CHD6: variants seen among roughly 807,000 people sequenced by gnomAD.
CHD6 encodes ATP-dependent chromatin remodeler CHD6.
A neutral mutation model predicts 276.9 loss-of-function variants in CHD6; 50 were observed. The observed-to-expected ratio is 0.18, with a 90% CI of 0.14 to 0.23. CHD6 has a LOEUF of 0.23. Ranked by LOEUF, CHD6 falls within the 10% of genes least tolerant of loss-of-function variation. CHD6 has a pLI of 1.00. For missense variants in CHD6, 2,564 were observed against 3,365.8 expected (o/e 0.76, Z 5.89); for synonymous variants, 1,173 against 1,229.3 (o/e 0.95, Z 0.96).
intron 10 of CHD6, among the ~76,000 whole-genome samples, chr20:41,492,847 G>C (rs545108857): frequency 3.5e-4 from 53 of 152,334 alleles, no homozygotes; most frequent in African/African-American, 1.3e-3. Context: ...CTTGAACTCG[G>C]GAGATGGAGG....
intron 1 of CHD6, among the ~76,000 whole-genome samples, chr20:41,594,913 C>T (rs1388646173): frequency 3.3e-5 from 5 of 152,330 alleles, no homozygotes; most frequent in East Asian, 1.9e-4. Context: ...TTCTTGTGAT[C>T]GGACAGGTGC....
At chr20:41,537,041 A>G (rs529689710) in intron 2 of CHD6, among the ~76,000 whole-genome samples, 1 of 152,326 alleles carries the variant, frequency 6.6e-6, no homozygotes, top group African/African-American at 2.4e-5. Flanking sequence ...TCTTTCTTTG[A>G]AAGAAAAATT....
rs1395442939 is a variant in CHD6, at chr20:41,452,966, G to C, written c.3121-24C>G. The C allele has an allele frequency of 6.3e-7, 1 of 1,579,362 alleles. No homozygotes were observed. Among genetic ancestry groups the C allele is most frequent in the East Asian group, 2.2e-5 (1 of 44,652 alleles). On this transcript the variant is annotated intron_variant, in intron 20 of 36. Coordinates refer to ENST00000373233, the MANE Select transcript of CHD6 (RefSeq NM_032221.5). This position sits in a 1 kb window ranked among gnomAD's most constrained non-coding sequence, Gnocchi z 4.2. The stretch of plus-strand genomic sequence containing the variant: ...TCCTAGAAATGGAGAGGACTACTGG[G>C]AAGAAAGTCCTCTTTTCTCTACTCC...
At chr20:41,422,637 C>G (rs1412657630) in intron 30 of CHD6, among the ~76,000 whole-genome samples, 1 of 152,198 alleles carries the variant, frequency 6.6e-6, no homozygotes, top group East Asian at 1.9e-4. Context: ...TTATACACAT[C>G]TCTTAGTTCT....
intron 3 of CHD6, among the ~76,000 whole-genome samples, chr20:41,520,919 G>A (rs1410568931): frequency 1.3e-5 from 2 of 152,064 alleles, no homozygotes; most frequent in East Asian, 1.9e-4. Flanking sequence ...GCTACCTTTT[G>A]TGTAAGAATA....
intron 20 of CHD6, among the ~76,000 whole-genome samples, chr20:41,453,825 T>C (rs139507047): frequency 1.7e-3 from 255 of 152,244 alleles, no homozygotes; most frequent in African/African-American, 5.9e-3. Context: ...AGCATTTCTA[T>C]TTATAGGAGA....
chr20:41,508,658 C>A (rs971434260), intron 5 of CHD6, among the ~76,000 whole-genome samples: 5 of 152,134 alleles, frequency 3.3e-5, no homozygotes, highest in Non-Finnish European at 7.4e-5. Context: ...CCCACCCAGG[C>A]TGAGCTGACA....
intron 3 of CHD6, among the ~76,000 whole-genome samples, chr20:41,530,495 G>A (rs965879907): frequency 1.3e-5 from 2 of 152,134 alleles, no homozygotes; most frequent in Non-Finnish European, 2.9e-5. Flanking sequence ...GAGCCAATCT[G>A]CAAGAGTAAA....
chr20:41,555,726 G>C (rs1467272524), intron 1 of CHD6, among the ~76,000 whole-genome samples: 2 of 151,612 alleles, frequency 1.3e-5, no homozygotes, highest in African/African-American at 4.8e-5. Flanking sequence ...TCACTTCCTA[G>C]ATGGGATGGC....
chr20:41,532,279 A>G lies in CHD6; in HGVS notation c.554+771T>C, dbSNP rs193028327. Among the ~76,000 whole-genome samples, 28 of 152,266 alleles carry G rather than the reference A, an allele frequency of 1.8e-4. No individual in the cohort carries two copies. The East Asian group carries it at 5.0e-3, about 27-fold the overall frequency. ...CTAAGCACTTGTCAATGTGTCAAGC[A>G]CTGTGCTAGACAATGAACTAGATAA... On this transcript the variant is annotated intron_variant, in intron 3 of 36. Transcript: ENST00000373233.
chr20:41,427,592 T>A (rs2047405510), intron 27 of CHD6, among the ~76,000 whole-genome samples: 2 of 152,178 alleles, frequency 1.3e-5, no homozygotes, highest in Non-Finnish European at 2.9e-5. Context: ...ACTAACAAGC[T>A]GTCTAAAAAA....
intron 1 of CHD6, among the ~76,000 whole-genome samples, chr20:41,609,869 T>C (rs1445306463): frequency 7.0e-6 from 1 of 143,360 alleles, no homozygotes; most frequent in African/African-American, 2.8e-5. Flanking sequence ...TTTTTTTTTT[T>C]TTTTTGAGAT....
At chr20:41,497,553 G>A (rs749331101) in intron 7 of CHD6, 52 bp from the exon 8 acceptor site, 17 of 1,226,508 alleles carry the variant, frequency 1.4e-5, no homozygotes, top group Non-Finnish European at 1.7e-5. Flanking sequence ...GCAAATGATC[G>A]AGCTTTAAGG....
chr20:41,466,202 A>C (rs867120663), intron 17 of CHD6, among the ~76,000 whole-genome samples: 1 of 152,168 alleles, frequency 6.6e-6, no homozygotes, highest in Non-Finnish European at 1.5e-5. Context: ...ACTCCATCCC[A>C]AAAAAACAAA....
intron 1 of CHD6, among the ~76,000 whole-genome samples, chr20:41,556,214 T>G (rs1416376440): frequency 6.6e-6 from 1 of 151,604 alleles, no homozygotes; most frequent in Non-Finnish European, 1.5e-5. Context: ...ACAGTCCAGC[T>G]TTGGCTCGGC....
At chr20:41,571,389 A>AT (rs11373605) in intron 1 of CHD6, among the ~76,000 whole-genome samples, 9,280 of 129,966 alleles carry the variant, frequency 0.071, 846 homozygotes, top group African/African-American at 0.2. Flanking sequence ...CTGGCCATTA[A>AT]TTTTTTTTTT....
chr20:41,499,266 T>C (rs757545839), intron 6 of CHD6, 29 bp downstream of exon 6: 2 of 1,551,342 alleles, frequency 1.3e-6, no homozygotes, highest in Non-Finnish European at 1.8e-6. Flanking sequence ...GTGCTAATGA[T>C]ATAAAAGCTA....
intron 1 of CHD6, among the ~76,000 whole-genome samples, chr20:41,598,037 G>T (rs2045736511): frequency 6.6e-6 from 1 of 152,078 alleles, no homozygotes; most frequent in East Asian, 1.9e-4. Context: ...AAAAATCAGG[G>T]TTGGACCTCC....
At chr20:41,611,031 T>C (rs2045882401) in intron 1 of CHD6, among the ~76,000 whole-genome samples, 1 of 152,228 alleles carries the variant, frequency 6.6e-6, no homozygotes, top group Non-Finnish European at 1.5e-5. Flanking sequence ...AAGTCCCCGC[T>C]GGAACAGCTG....
Sources: allele counts gnomAD v4.1 joint callset (sites outside exome capture counted in the v4.1 genomes callset), GRCh38; gene constraint gnomAD v4.1.1; non-coding constraint Gnocchi (gnomAD v3.1); transcripts MANE v1.5; gene names NCBI Gene and HGNC (gene_info 2026-07-23, HGNC 2026-07-21).